Variants in PTPN3 observed in about 807,000 individuals in gnomAD.
The protein encoded by PTPN3 is tyrosine-protein phosphatase non-receptor type 3.
Under a neutral mutation model 132.7 loss-of-function variants are expected in PTPN3, and 96 were observed. The ratio of observed to expected loss-of-function variants is 0.72; its 90% CI spans 0.61 to 0.86. PTPN3 has a LOEUF of 0.86. Ranked by LOEUF, PTPN3 falls within the 40% of genes least tolerant of loss-of-function variation. The pLI, the probability that PTPN3 is intolerant of heterozygous loss-of-function variation, is 0.00. For synonymous variants in PTPN3, 398 were observed against 429.0 expected (o/e 0.93, Z 0.89); for missense variants, 1,125 against 1,159.6 (o/e 0.97, Z 0.43).
At chr9:109,535,907 C>A in the PTPN3 span, among the ~76,000 whole-genome samples, 2 of 152,100 alleles carry the variant, frequency 1.3e-5, no homozygotes, top group African/African-American at 2.4e-5. Context: ...TTAAACAGAA[C>A]AATTTGTGAC....
At chr9:109,420,350 C>T in intron 14 of PTPN3, 74 bp downstream of exon 14, 3 of 1,447,444 alleles carry the variant, frequency 2.1e-6, no homozygotes, top group Non-Finnish European at 1.8e-6. Context: ...TCTCAAATGG[C>T]AACCTGGACC....
chr9:109,387,689 C>A (rs1284792308), intron 22 of PTPN3, among the ~76,000 whole-genome samples: 2 of 152,166 alleles, frequency 1.3e-5, no homozygotes, highest in Non-Finnish European at 1.5e-5. Flanking sequence ...AGCGGTGGTG[C>A]CAGAACTCAA....
In PTPN3 at chr9:109,469,994, T is replaced by C. The variant is rs1191586027; in HGVS notation, c.-17-6543A>G. Among the ~76,000 whole-genome samples, 3 of 152,250 alleles carry C rather than the reference T, an allele frequency of 2.0e-5. No individual in the cohort carries two copies. In the East Asian group the frequency reaches 5.8e-4, roughly 29 times the overall value. ...GCCCTTCTCCGTGGCGCAGTCCCCTTTTCCCAATTCTTCCCTATGAACTCA... is the reference window on the plus strand; with the variant it reads ...GCCCTTCTCCGTGGCGCAGTCCCCTCTTCCCAATTCTTCCCTATGAACTCA... On this transcript the variant is annotated intron_variant, in intron 1 of 25. Coordinates refer to ENST00000374541, the MANE Select transcript of PTPN3 (RefSeq NM_002829.4).
At chr9:109,533,104 C>G in the PTPN3 span, among the ~76,000 whole-genome samples, 1 of 144,918 alleles carries the variant, frequency 6.9e-6, no homozygotes, top group Non-Finnish European at 1.5e-5. Context: ...TACATACAGG[C>G]GCCCACCACC....
chr9:109,382,520 C>T (rs139896770), intron 23 of PTPN3, 73 bp from the exon 24 acceptor site: 67,047 of 1,551,974 alleles, frequency 0.043, 1,653 homozygotes, highest in Middle Eastern at 0.062. Context: ...AACCCAGACA[C>T]AGGGTGGCCC....
chr9:109,453,959 G>T (rs181096886), intron 5 of PTPN3, among the ~76,000 whole-genome samples: 1 of 152,048 alleles, frequency 6.6e-6, no homozygotes, highest in Non-Finnish European at 1.5e-5. Context: ...AGGTTGCAGT[G>T]AGCCAAGCTC....
intron 10 of PTPN3, 119 bp downstream of exon 10, chr9:109,432,954 G>A (rs554149498): frequency 1.5e-5 from 22 of 1,443,750 alleles, no homozygotes; most frequent in South Asian, 4.6e-5. Flanking sequence ...AGTAAAACTC[G>A]GGAGGCACTC....
At chr9:109,420,361 T>C in intron 14 of PTPN3, 63 bp downstream of exon 14, 3 of 1,509,558 alleles carry the variant, frequency 2.0e-6, no homozygotes, top group South Asian at 2.6e-5. Context: ...AACCTGGACC[T>C]GAGCAAATTC....
Position 109,410,255 on chromosome 9 carries a change from C to T in PTPN3, c.1474G>A (p.Asp492Asn), listed in dbSNP as rs1304765065. 6.2e-7 allele frequency: 1 copy of T among 1,614,040 alleles called. No individual in the cohort carries two copies. Among genetic ancestry groups the T allele is most frequent in the African/African-American group, 1.3e-5 (1 of 74,924 alleles). Residue 492 changes from aspartate (D) to asparagine (N), a missense_variant, in exon 15 of 26, where the codon GAC becomes AAC. Transcript: ENST00000374541. ...HRVTKGGSTEDASQYYCDKND... is the reference protein window; with the variant it reads ...HRVTKGGSTENASQYYCDKND... ...TTGTCACAGTAGTACTGGCTGGCGT[C>T]CTCGGTGGAGCCCCCTTTGGTCACC... is the stretch of plus-strand genomic sequence containing the variant.
chr9:109,432,848 T>C (rs569101710), intron 10 of PTPN3, among the ~76,000 whole-genome samples: 1 of 152,202 alleles, frequency 6.6e-6, no homozygotes, highest in African/African-American at 2.4e-5. Flanking sequence ...TTCCAGAGTA[T>C]CCCAAACCAC....
At chr9:109,488,865 T>C (rs1056629499) in intron 1 of PTPN3, among the ~76,000 whole-genome samples, 14 of 152,220 alleles carry the variant, frequency 9.2e-5, no homozygotes, top group African/African-American at 3.4e-4. Context: ...TCCAAGTCCC[T>C]GTCTGCATCT....
chr9:109,532,812 G>T, the PTPN3 span: 1 of 751,194 alleles, frequency 1.3e-6, no homozygotes, highest in Non-Finnish European at 1.9e-6. Flanking sequence ...GTTGATGATA[G>T]AGATGATAAG....
Position 109,449,740 on chromosome 9 carries a change from C to A in PTPN3, c.369-885G>T, listed in dbSNP as rs999101623. ...TCTGGCCAAGATGACAAAAGGGAAA[C>A]CTCTTGAAATCTAATATAGACAGGG... On this transcript the variant is annotated intron_variant, in intron 5 of 25. Coordinates refer to ENST00000374541, the MANE Select transcript of PTPN3 (RefSeq NM_002829.4). The A allele has an allele frequency of 1.5e-5, 15 of 985,262 alleles. No homozygotes were observed. In the African/African-American group the frequency reaches 2.6e-4, roughly 17 times the overall value. The allele number at this position is 985,262 out of a possible 1,614,324, so 61.0% of individuals were successfully genotyped here.
In PTPN3 at chr9:109,410,222, C is replaced by G. The variant is rs370544787; in HGVS notation, c.1500+7G>C. 4 of 1,612,632 alleles carry G rather than the reference C, an allele frequency of 2.5e-6. No homozygotes were observed. The highest frequency in any genetic ancestry group is 1.3e-5 in the African/African-American group (1 of 74,902). ...TGTGGATCACCCGGCTGCCTGCGCT[C>G]GCTCACCTTGTCACAGTAGTACTGG... is the stretch of plus-strand genomic sequence containing the variant. On this transcript the variant is annotated splice_region_variant and intron_variant, in intron 15 of 25. Coordinates refer to ENST00000374541, the MANE Select transcript of PTPN3 (RefSeq NM_002829.4).
At chr9:109,522,702 C>G in the PTPN3 span, among the ~76,000 whole-genome samples, 1 of 152,126 alleles carries the variant, frequency 6.6e-6, no homozygotes, top group Non-Finnish European at 1.5e-5. Flanking sequence ...GAATGCCACT[C>G]ATAGGAAACC....
chr9:109,412,999 GCA>G (rs1842196916), intron 14 of PTPN3, among the ~76,000 whole-genome samples: 1 of 150,776 alleles, frequency 6.6e-6, no homozygotes, highest in African/African-American at 2.4e-5. Flanking sequence ...GAGTGCAGTG[GCA>G]CAGTCTCAGC....
chr9:109,390,077 T>C (rs1300896274), intron 21 of PTPN3, among the ~76,000 whole-genome samples: 1 of 152,222 alleles, frequency 6.6e-6, no homozygotes, highest in Non-Finnish European at 1.5e-5. Flanking sequence ...CGGCTGGTGC[T>C]TGGATAAATG....
At chr9:109,428,041 T>C (rs1289441640) in intron 11 of PTPN3, among the ~76,000 whole-genome samples, 1 of 152,236 alleles carries the variant, frequency 6.6e-6, no homozygotes, top group Admixed American at 6.5e-5. Flanking sequence ...TTATGAGATA[T>C]ATACACCTAC....
intron 9 of PTPN3, among the ~76,000 whole-genome samples, chr9:109,435,970 T>C (rs1390161671): frequency 1.3e-5 from 2 of 152,202 alleles, no homozygotes; most frequent in South Asian, 4.1e-4. Flanking sequence ...TGAAAATACA[T>C]AGATTTAAAA....
Sources: allele counts gnomAD v4.1 joint callset (sites outside exome capture counted in the v4.1 genomes callset), GRCh38; gene constraint gnomAD v4.1.1; transcripts MANE v1.5; gene names NCBI Gene and HGNC (gene_info 2026-07-23, HGNC 2026-07-21).